Variants in ABLIM3 observed in about 807,000 individuals in gnomAD.
ABLIM3 encodes the protein actin-binding LIM protein 3.
A neutral mutation model predicts 109.5 loss-of-function variants in ABLIM3; 61 were observed. The observed-to-expected ratio is 0.56, with a 90% CI of 0.45 to 0.69. The LOEUF is 0.69. Among genes scored for constraint, ABLIM3 ranks in the 30% least tolerant of loss-of-function variants. The pLI is 0.00. For missense variants in ABLIM3, 796 were observed against 889.5 expected (o/e 0.89, Z 1.34); for synonymous variants, 300 against 324.8 (o/e 0.92, Z 0.82).
intron 17 of ABLIM3, 179 bp from the exon 18 acceptor site, chr5:149,247,603 A>C (rs1410171266): frequency 1.2e-6 from 1 of 861,748 alleles, no homozygotes; most frequent in Non-Finnish European, 1.9e-6. Flanking sequence ...CAACTTGTGG[A>C]AGACAAGATG....
At chr5:149,220,992 G>C (rs1488746192) in intron 8 of ABLIM3, 1 of 152,246 alleles carries the variant, frequency 6.6e-6, no homozygotes, top group Non-Finnish European at 1.5e-5. Context: ...TCAATGACAA[G>C]CTGTGACAAG....
chr5:149,222,648 C>T (rs1760767922), intron 8 of ABLIM3, among the ~76,000 whole-genome samples: 1 of 143,698 alleles, frequency 7.0e-6, no homozygotes, highest in South Asian at 2.3e-4. Context: ...GTAACTGAAT[C>T]TATTTCAGAT....
At chr5:149,177,997 C>T (rs1411001362) in intron 2 of ABLIM3, among the ~76,000 whole-genome samples, 1 of 152,148 alleles carries the variant, frequency 6.6e-6, no homozygotes, top group African/African-American at 2.4e-5. Flanking sequence ...GGAATCCAAA[C>T]CCAGCCCAGT....
At chr5:149,204,645 A>G (rs1437306274) in intron 5 of ABLIM3, among the ~76,000 whole-genome samples, 4 of 152,214 alleles carry the variant, frequency 2.6e-5, no homozygotes, top group Non-Finnish European at 5.9e-5. Flanking sequence ...AATGACAACA[A>G]CCACGTATTG....
chr5:149,187,545 G>A lies in ABLIM3; in HGVS notation c.151+3956G>A, dbSNP rs147558542. 5.1e-3 allele frequency among the ~76,000 whole-genome samples: 779 copies of A among 152,322 alleles called. 14 individuals are homozygous for A. Among genetic ancestry groups the A allele is most frequent in the African/African-American group, 0.018 (745 of 41,568 alleles). ...AGATTATACTTAATGGTGAAAGACC[G>A]AATGTTTCTGTTAGATATGAGTTCT... On this transcript the variant is annotated intron_variant, in intron 3 of 23. Transcript: ENST00000309868.
At chr5:149,189,745 T>C (rs535373415) in intron 3 of ABLIM3, among the ~76,000 whole-genome samples, 1 of 152,304 alleles carries the variant, frequency 6.6e-6, no homozygotes, top group East Asian at 1.9e-4. Context: ...CTCTCATACA[T>C]TGCTGGTGGA....
At chr5:149,176,869 G>T (rs1488800576) in intron 2 of ABLIM3, 1 of 152,194 alleles carries the variant, frequency 6.6e-6, no homozygotes, top group African/African-American at 2.4e-5. Context: ...TTAGGATAAT[G>T]TAGCCTCTTA....
chr5:149,234,314 C>T (rs909076370), intron 10 of ABLIM3, among the ~76,000 whole-genome samples: 1 of 152,220 alleles, frequency 6.6e-6, no homozygotes, highest in Non-Finnish European at 1.5e-5. Context: ...ATCTGATTGA[C>T]TCTGGACTGT....
chr5:149,248,204 G>C (rs1753574151), intron 18 of ABLIM3, among the ~76,000 whole-genome samples: 1 of 152,186 alleles, frequency 6.6e-6, no homozygotes, highest in African/African-American at 2.4e-5. Context: ...GCTAACAAAA[G>C]AATCAGAAGA....
chr5:149,200,476 T>A, intron 5 of ABLIM3, 48 bp downstream of exon 5: 2 of 1,582,670 alleles, frequency 1.3e-6, no homozygotes, highest in Non-Finnish European at 1.7e-6. Context: ...GTGATCTCTC[T>A]GGGCTCCCCT....
Position 149,260,147 on chromosome 5 carries a change from T to C in ABLIM3, c.*1743T>C, listed in dbSNP as rs1179704010. ...CTGGAAGAGATTGCATCTGAGGAAA[T>C]TCAGGAAGGATCTTTGTAGATTGGG... On this transcript the variant is annotated 3_prime_UTR_variant, in exon 24 of 24. Coordinates refer to ENST00000309868, the MANE Select transcript of ABLIM3 (RefSeq NM_014945.5). 1.3e-5 allele frequency: 2 copies of C among 153,026 alleles called. No individual in the cohort carries two copies. The highest frequency in any genetic ancestry group is 1.3e-4 in the Admixed American group (2 of 15,342). 9.5% of individuals were successfully genotyped at this position (153,026 alleles called of 1,614,324 possible). A position where few individuals can be genotyped will look rare whatever the true frequency, so the allele number is the denominator to read the frequency against.
intron 5 of ABLIM3, among the ~76,000 whole-genome samples, chr5:149,201,639 A>G (rs1314352046): frequency 6.6e-6 from 1 of 152,214 alleles, no homozygotes; most frequent in African/African-American, 2.4e-5. Context: ...ATGATGCTCA[A>G]GAATAGATTG....
chr5:149,207,415 A>G (rs1759106993), intron 6 of ABLIM3, among the ~76,000 whole-genome samples: 1 of 151,688 alleles, frequency 6.6e-6, no homozygotes, highest in Non-Finnish European at 1.5e-5. Context: ...GCCGTCTCTC[A>G]TTTACTGCCC....
At chr5:149,237,697 A>G (rs1415105420) in intron 11 of ABLIM3, 94 bp downstream of exon 11, 5 of 1,513,730 alleles carry the variant, frequency 3.3e-6, no homozygotes, top group African/African-American at 1.4e-5. Context: ...TTTGGCCTCC[A>G]CAATGCTGGC....
chr5:149,170,860 T>C (rs1755351771), intron 2 of ABLIM3, among the ~76,000 whole-genome samples: 1 of 152,234 alleles, frequency 6.6e-6, no homozygotes, highest in South Asian at 2.1e-4. Context: ...TACTGTCTTT[T>C]GGTCTTTTTC....
intron 10 of ABLIM3, among the ~76,000 whole-genome samples, chr5:149,235,053 A>T (rs1307345467): frequency 1.3e-5 from 2 of 152,174 alleles, no homozygotes; most frequent in Non-Finnish European, 2.9e-5. Flanking sequence ...TGTGCCTTCC[A>T]ACTAGGGGCT....
chr5:149,209,510 C>T (rs763676218), intron 6 of ABLIM3, among the ~76,000 whole-genome samples: 20 of 152,184 alleles, frequency 1.3e-4, no homozygotes, highest in South Asian at 4.1e-4. Flanking sequence ...CCAATAACTG[C>T]CCAGTAAATA....
chr5:149,189,235 G>A (rs1171887380), intron 3 of ABLIM3, among the ~76,000 whole-genome samples: 3 of 152,048 alleles, frequency 2.0e-5, no homozygotes, highest in Admixed American at 2.0e-4. Context: ...AAATGTAGAA[G>A]GTAAAATTGA....
At chr5:149,154,392 A>T (rs1753696973) in intron 2 of ABLIM3, among the ~76,000 whole-genome samples, 1 of 152,232 alleles carries the variant, frequency 6.6e-6, no homozygotes, top group Admixed American at 6.5e-5. Flanking sequence ...CAACTGGCAG[A>T]GACAGAGCCT....
Sources: gnomAD v4.1 joint callset for allele counts (sites outside exome capture counted in the v4.1 genomes callset) on GRCh38, gnomAD v4.1.1 for gene constraint, MANE v1.5 for transcripts, NCBI Gene and HGNC (gene_info 2026-07-23, HGNC 2026-07-21) for gene names.